The following NEDD4L variants were observed in gnomAD, a reference collection of about 807,000 sequenced individuals.
NEDD4L encodes the protein E3 ubiquitin-protein ligase NEDD4-like.
A neutral mutation model predicts 148.9 loss-of-function variants in NEDD4L; 54 were observed. The observed-to-expected ratio is 0.36, with a 90% confidence interval of 0.29 to 0.45. The LOEUF is 0.45. NEDD4L is among the 20% of genes least tolerant of loss of function. The probability of loss-of-function intolerance (pLI) is 1.00; values close to 1 mark genes in which losing one functional copy is unlikely to be tolerated. For missense variants in NEDD4L, 856 were observed against 1,233.8 expected (o/e 0.69, Z 4.59); for synonymous variants, 433 against 440.7 (o/e 0.98, Z 0.22).
At chr18:58,283,098 CTG>C (rs1315532738) in intron 5 of NEDD4L, among the ~76,000 whole-genome samples, 1 of 150,880 alleles carries the variant, frequency 6.6e-6, no homozygotes, top group African/African-American at 2.4e-5. Flanking sequence ...TATTTAGAGA[CTG>C]TGTCTCGCTC....
intron 2 of NEDD4L, chr18:58,227,898 A>G: frequency 1.0e-6 from 1 of 974,332 alleles, no homozygotes; most frequent in Non-Finnish European, 1.2e-6. Context: ...TGTGAGTCTG[A>G]TAATAGCAAG....
chr18:58,209,937 C>T (rs1441508276), intron 2 of NEDD4L, among the ~76,000 whole-genome samples: 4 of 151,948 alleles, frequency 2.6e-5, no homozygotes, highest in African/African-American at 4.8e-5. Flanking sequence ...GAGGCCAAGG[C>T]GGGCGGATCA....
chr18:58,238,863 T>A (rs1262356926), intron 2 of NEDD4L, among the ~76,000 whole-genome samples: 1 of 152,252 alleles, frequency 6.6e-6, no homozygotes, highest in Admixed American at 6.5e-5. Context: ...ATTACCTTTT[T>A]TCAATCTTTG....
chr18:58,379,770 G>T (rs989896462), intron 24 of NEDD4L, among the ~76,000 whole-genome samples: 5 of 152,190 alleles, frequency 3.3e-5, no homozygotes, highest in African/African-American at 1.2e-4. Context: ...TCATGAAAGT[G>T]TCGCCGTAAC....
intron 1 of NEDD4L, among the ~76,000 whole-genome samples, chr18:58,071,723 A>G (rs2082881088): frequency 6.6e-6 from 1 of 152,266 alleles, no homozygotes; most frequent in African/African-American, 2.4e-5. Flanking sequence ...TAATTGACTT[A>G]CAGTTCCACA....
chr18:58,379,879 C>G (rs999021835), intron 24 of NEDD4L, among the ~76,000 whole-genome samples: 1 of 151,690 alleles, frequency 6.6e-6, no homozygotes, highest in African/African-American at 2.4e-5. Flanking sequence ...TGACCCCTAA[C>G]CTAGTAGCTT....
At chr18:58,121,550 G>A (rs926363478) in intron 1 of NEDD4L, among the ~76,000 whole-genome samples, 6 of 151,912 alleles carry the variant, frequency 3.9e-5, no homozygotes, top group Admixed American at 6.6e-5. Context: ...AACCACAGGC[G>A]AGTTCCACTA....
At position 58,252,063 on chromosome 18, in the gene NEDD4L, A is replaced by C; in HGVS notation, c.297+9A>C. 1 of 1,572,462 alleles carries C rather than the reference A, an allele frequency of 6.4e-7. No homozygotes were observed. On this transcript the variant is annotated intron_variant, in intron 5 of 30. Transcript: ENST00000400345. ...TTGACGAAAATAGACTGGTAAGTGG[A>C]TGCCTGTATTTGAATTTTGCTTCAT...
intron 25 of NEDD4L, among the ~76,000 whole-genome samples, chr18:58,384,452 C>A (rs771658468): frequency 6.6e-6 from 1 of 152,188 alleles, no homozygotes; most frequent in Non-Finnish European, 1.5e-5. Flanking sequence ...CTGGCAGACA[C>A]CATTGTCTTC....
chr18:58,385,730 C>A, intron 26 of NEDD4L, 144 bp downstream of exon 26: 1 of 665,496 alleles, frequency 1.5e-6, no homozygotes, highest in Admixed American at 2.4e-5. Context: ...CGGGATCGCA[C>A]AGCTCACACC....
At chr18:58,378,616 G>A (rs2047896170) in intron 24 of NEDD4L, among the ~76,000 whole-genome samples, 1 of 152,220 alleles carries the variant, frequency 6.6e-6, no homozygotes, top group African/African-American at 2.4e-5. Context: ...GGAGAGGCTG[G>A]GGAGGATGAG....
intron 1 of NEDD4L, among the ~76,000 whole-genome samples, chr18:58,109,567 T>TTTTG (rs1392897483): frequency 0.052 from 7,348 of 141,952 alleles, 268 homozygotes; most frequent in Non-Finnish European, 0.078. Context: ...GGAGGTTTTT[T>TTTTG]TTTTGTTTTT....
chr18:58,127,253 G>A (rs766922726), intron 1 of NEDD4L, among the ~76,000 whole-genome samples: 2 of 152,226 alleles, frequency 1.3e-5, no homozygotes, highest in Admixed American at 6.5e-5. Context: ...TAGGTGCTCC[G>A]TAGACACATG....
chr18:58,299,048 A>G (rs2149227342), intron 5 of NEDD4L, among the ~76,000 whole-genome samples: 1 of 152,338 alleles, frequency 6.6e-6, no homozygotes, highest in Non-Finnish European at 1.5e-5. Context: ...GTTTACATAC[A>G]CATGCGATAA....
intron 1 of NEDD4L, among the ~76,000 whole-genome samples, chr18:58,080,890 G>A (rs761475795): frequency 1.8e-4 from 27 of 152,166 alleles, no homozygotes; most frequent in Non-Finnish European, 3.7e-4. Context: ...AAGCTCTTAA[G>A]AAAGCAGTTT....
intron 5 of NEDD4L, chr18:58,255,606 C>T (rs2048418296): frequency 1.2e-5 from 15 of 1,232,258 alleles, no homozygotes; most frequent in Non-Finnish European, 1.4e-5. Context: ...CTGTTGTTGC[C>T]GCTTGCCCTA....
chr18:58,135,655 T>C (rs2032758373), intron 1 of NEDD4L, among the ~76,000 whole-genome samples: 1 of 152,252 alleles, frequency 6.6e-6, no homozygotes, highest in Non-Finnish European at 1.5e-5. Context: ...TCTAGTAAAT[T>C]CCCACTGGTT....
At chr18:58,067,858 GGAA>G (rs1275382223) in intron 1 of NEDD4L, among the ~76,000 whole-genome samples, 1 of 152,204 alleles carries the variant, frequency 6.6e-6, no homozygotes, top group Non-Finnish European at 1.5e-5. Context: ...GTGGCAGCGG[GGAA>G]TGCAGGTGTA....
At chr18:58,072,872 G>GCGCGCACA (rs1555682058) in intron 1 of NEDD4L, among the ~76,000 whole-genome samples, 15 of 131,604 alleles carry the variant, frequency 1.1e-4, no homozygotes, top group African/African-American at 4.8e-4. Flanking sequence ...GCGCGCGCGC[G>GCGCGCACA]CACACACACA....
Sources: allele counts gnomAD v4.1 joint callset (sites outside exome capture counted in the v4.1 genomes callset), GRCh38; gene constraint gnomAD v4.1.1; transcripts MANE v1.5; gene names NCBI Gene and HGNC (gene_info 2026-07-23, HGNC 2026-07-21).